The following TMEM167A variants were observed in gnomAD, a reference collection of about 807,000 sequenced individuals.
TMEM167A encodes the protein protein kish-A.
In TMEM167A, 8 loss-of-function variants were observed where a neutral mutation model predicts 11.6. That is an observed-to-expected ratio of 0.69 (90% CI 0.40 to 1.24). The LOEUF (loss-of-function observed/expected upper bound fraction) is 1.24. TMEM167A is among the 50% of genes most tolerant of loss of function. The probability of loss-of-function intolerance (pLI) is 0.01; values close to 1 mark genes in which losing one functional copy is unlikely to be tolerated. For synonymous variants in TMEM167A, 22 were observed against 28.0 expected (o/e 0.79, Z 0.67); for missense variants, 62 against 87.0 (o/e 0.71, Z 1.14).
intron 1 of TMEM167A, among the ~76,000 whole-genome samples, chr5:83,070,827 GAATTC>G (rs1317012709): frequency 6.6e-6 from 1 of 151,866 alleles, no homozygotes; most frequent in Non-Finnish European, 1.5e-5. Context: ...TTATAAGTAA[GAATTC>G]AATATAGGAG....
At chr5:83,068,528 A>C (rs1322693024) in intron 1 of TMEM167A, among the ~76,000 whole-genome samples, 2 of 152,200 alleles carry the variant, frequency 1.3e-5, no homozygotes, top group African/African-American at 4.8e-5. Flanking sequence ...TGCAGACAAA[A>C]AATGCCATTT....
In TMEM167A at chr5:83,053,587, CAT is replaced by C. The variant is rs1744289187; in HGVS notation, c.*3495_*3496del. On this transcript the variant is annotated 3_prime_UTR_variant, in exon 4 of 4. Transcript: ENST00000502346. ...GTTTTGTGTTAGGCAGGAGGAAAAA[CAT>C]ATTCAATTTTGAGGTAGGTAATCAA... 1 of 151,926 alleles carries C rather than the reference CAT, an allele frequency of 6.6e-6. No homozygotes were observed. The highest frequency in any genetic ancestry group is 1.5e-5 in the Non-Finnish European group (1 of 67,914). The allele number at this position is 151,926 out of a possible 1,614,324, so 9.4% of individuals were successfully genotyped here. A position where few individuals can be genotyped will look rare whatever the true frequency, so the allele number is the denominator to read the frequency against.
At chr5:83,060,503 A>G (rs1469314369) in intron 3 of TMEM167A, among the ~76,000 whole-genome samples, 3 of 151,940 alleles carry the variant, frequency 2.0e-5, no homozygotes, top group East Asian at 3.9e-4. Context: ...TTTTAATTAA[A>G]AAGGTTAAAA....
At chr5:83,061,778 G>T in intron 3 of TMEM167A, 99 bp downstream of exon 3, 2 of 1,165,598 alleles carry the variant, frequency 1.7e-6, no homozygotes, top group African/African-American at 1.5e-5. Context: ...TGGGAAGCCT[G>T]CCCTTTAAAA....
chr5:83,055,773 A>T lies in TMEM167A; in HGVS notation c.*1311T>A, dbSNP rs2112236338. On this transcript the variant is annotated 3_prime_UTR_variant, in exon 4 of 4. Transcript: ENST00000502346. ...CAGTTCCATACGTTGTTTCTGCAGAAATAACTACTAGCCTATTAATCTAGA... is the reference window on the plus strand; with the variant it reads ...CAGTTCCATACGTTGTTTCTGCAGATATAACTACTAGCCTATTAATCTAGA... 6.8e-6 allele frequency: 1 copy of T among 146,258 alleles called. No individual in the cohort carries two copies. The highest frequency in any genetic ancestry group is 6.8e-5 in the Admixed American group (1 of 14,782). The allele number at this position is 146,258 out of a possible 1,614,324, so 9.1% of individuals were successfully genotyped here.
chr5:83,064,966 G>T (rs752971359), intron 2 of TMEM167A, 42 bp downstream of exon 2: 3 of 1,167,018 alleles, frequency 2.6e-6, no homozygotes, highest in Non-Finnish European at 3.8e-6. Flanking sequence ...TTGAACATTT[G>T]TAAGAACTAA....
rs144138594 is a variant in TMEM167A at position 83,062,968 on chromosome 5, T to C, written c.114-1057A>G. Among the ~76,000 whole-genome samples the C allele has an allele frequency of 4.9e-4, 75 of 151,926 alleles. 1 individual carries two copies. In the East Asian group the frequency reaches 0.014, roughly 28 times the overall value. On this transcript the variant is annotated intron_variant, in intron 2 of 3. Transcript: ENST00000502346. ...TTCTATATATGTTCCTCCTCTGAAG[T>C]ATAACTTCCTGACCTCAAAGCAAAA...
At chr5:83,057,828 T>C (rs1024261738) in intron 3 of TMEM167A, among the ~76,000 whole-genome samples, 8 of 152,102 alleles carry the variant, frequency 5.3e-5, no homozygotes, top group Non-Finnish European at 1.0e-4. Flanking sequence ...ATGCTTTCCT[T>C]TGTACGAAGT....
intron 1 of TMEM167A, 83 bp downstream of exon 1, chr5:83,077,238 G>A (rs762471226): frequency 7.5e-6 from 12 of 1,606,046 alleles, no homozygotes; most frequent in African/African-American, 1.3e-5. Flanking sequence ...CACACCCCGG[G>A]CTGCCGCACA....
intron 1 of TMEM167A, among the ~76,000 whole-genome samples, chr5:83,065,472 C>CTAAT (rs1173001017): frequency 6.6e-6 from 1 of 151,994 alleles, no homozygotes; most frequent in Non-Finnish European, 1.5e-5. Context: ...AAATACTAGG[C>CTAAT]TAATAGATTT....
At chr5:83,059,561 T>C (rs1003805391) in intron 3 of TMEM167A, among the ~76,000 whole-genome samples, 1 of 151,832 alleles carries the variant, frequency 6.6e-6, no homozygotes, top group Non-Finnish European at 1.5e-5. Flanking sequence ...GTTTGGTGTG[T>C]GTATAGTTAT....
chr5:83,072,207 G>A (rs762114381), intron 1 of TMEM167A, among the ~76,000 whole-genome samples: 2 of 152,090 alleles, frequency 1.3e-5, no homozygotes, highest in African/African-American at 2.4e-5. Flanking sequence ...CAGATCTAAA[G>A]ATAAGGCAAA....
chr5:83,058,263 T>C (rs1321965067), intron 3 of TMEM167A, among the ~76,000 whole-genome samples: 1 of 152,082 alleles, frequency 6.6e-6, no homozygotes, highest in Admixed American at 6.6e-5. Flanking sequence ...TGCCATATTA[T>C]TGAGTTTATG....
chr5:83,056,997 A>C lies in TMEM167A; in HGVS notation c.*87T>G, dbSNP rs1744341540. 1 of 1,175,504 alleles carries C rather than the reference A, an allele frequency of 8.5e-7. No homozygotes were observed. Among genetic ancestry groups the C allele is most frequent in the African/African-American group, 1.5e-5 (1 of 66,216 alleles). The allele number at this position is 1,175,504 out of a possible 1,614,324, so 72.8% of individuals were successfully genotyped here. ...CTCATTCAATGTTCGGAGATAAAAGAGTTAAACATCCTTTCCATTATTTTC... is the reference window on the plus strand; with the variant it reads ...CTCATTCAATGTTCGGAGATAAAAGCGTTAAACATCCTTTCCATTATTTTC... On this transcript the variant is annotated 3_prime_UTR_variant, in exon 4 of 4. Transcript: ENST00000502346.
chr5:83,070,320 A>T (rs937433373), intron 1 of TMEM167A, among the ~76,000 whole-genome samples: 1 of 152,178 alleles, frequency 6.6e-6, no homozygotes, highest in Admixed American at 6.5e-5. Flanking sequence ...CTTCTAAAAC[A>T]TGGCAATGGA....
At chr5:83,070,270 C>G (rs560869598) in intron 1 of TMEM167A, among the ~76,000 whole-genome samples, 1 of 152,156 alleles carries the variant, frequency 6.6e-6, no homozygotes, top group Non-Finnish European at 1.5e-5. Flanking sequence ...AGACTGAGTA[C>G]GCAGGTTATC....
rs1188860127 is a variant in TMEM167A at position 83,055,419 on chromosome 5, A to G, written c.*1665T>C. ...ACTCAGCATGCATACACTGACAAGA[A>G]TCCTATTTTTGAGAAACCCTAAAAA... On this transcript the variant is annotated 3_prime_UTR_variant, in exon 4 of 4. Coordinates refer to ENST00000502346, the MANE Select transcript of TMEM167A (RefSeq NM_174909.5). 1 of 152,012 alleles carries G rather than the reference A, an allele frequency of 6.6e-6. No individual in the cohort carries two copies. Among genetic ancestry groups the G allele is most frequent in the Non-Finnish European group, 1.5e-5 (1 of 67,960 alleles). The allele number at this position is 152,012 out of a possible 1,614,324, so 9.4% of individuals were successfully genotyped here.
chr5:83,064,959 A>C, intron 2 of TMEM167A, 49 bp downstream of exon 2: 1 of 1,069,284 alleles, frequency 9.4e-7, no homozygotes, highest in Non-Finnish European at 1.4e-6. Flanking sequence ...ACTTACATTG[A>C]ACATTTGTAA....
Position 83,062,270 on chromosome 5 carries a change from T to G in TMEM167A, c.114-359A>C, listed in dbSNP as rs76842925. On this transcript the variant is annotated intron_variant, in intron 2 of 3. Transcript: ENST00000502346. Reference sequence around the variant, plus strand: ...GTATATGGCAATTTAAGCATCAATTTTGATAAAATGTTAAATGAACATTTT... The same window carrying G: ...GTATATGGCAATTTAAGCATCAATTGTGATAAAATGTTAAATGAACATTTT... Among the ~76,000 whole-genome samples the G allele has an allele frequency of 9.7e-3, 1,470 of 152,296 alleles. 21 individuals carry two copies. Among genetic ancestry groups the G allele is most frequent in the African/African-American group, 0.034 (1,412 of 41,570 alleles).
Sources: allele counts gnomAD v4.1 joint callset (sites outside exome capture counted in the v4.1 genomes callset), GRCh38; gene constraint gnomAD v4.1.1; transcripts MANE v1.5; gene names NCBI Gene and HGNC (gene_info 2026-07-23, HGNC 2026-07-21).